Variants in SGCD observed in about 807,000 individuals in gnomAD.
SGCD encodes the protein sarcoglycan delta, also known as delta-sarcoglycan.
In SGCD, 18 loss-of-function variants were observed where a neutral mutation model predicts 36.6. That is an observed-to-expected ratio of 0.49 (90% confidence interval 0.34 to 0.73). The LOEUF (loss-of-function observed/expected upper bound fraction) is 0.73. Ranked by LOEUF, SGCD falls within the 30% of genes least tolerant of loss-of-function variation. The pLI, the probability that SGCD is intolerant of heterozygous loss-of-function variation, is 0.01. For missense variants in SGCD, 387 were observed against 346.7 expected, an observed-to-expected ratio of 1.12 and a Z score of -0.92; for synonymous variants, 133 against 130.6, an observed-to-expected ratio of 1.02 and a Z score of -0.12.
chr5:156,346,153 A>T (rs1042819758), intron 3 of SGCD, among the ~76,000 whole-genome samples: 1 of 152,052 alleles, frequency 6.6e-6, no homozygotes, highest in African/African-American at 2.4e-5. Flanking sequence ...AAGGTTACAG[A>T]TACTGCTTCA....
chr5:156,441,901 C>A (rs553664233), intron 3 of SGCD, among the ~76,000 whole-genome samples: 18 of 152,100 alleles, frequency 1.2e-4, no homozygotes, highest in Non-Finnish European at 2.4e-4. Flanking sequence ...GGCTGATTTG[C>A]GTGGAAGAAA....
At chr5:155,807,950 T>C in the SGCD span, among the ~76,000 whole-genome samples, 2,644 of 152,260 alleles carry the variant, frequency 0.017, 84 homozygotes, top group African/African-American at 0.059. Flanking sequence ...TTACTAGAGA[T>C]GAAATAGTAC....
chr5:155,990,751 CT>C (rs1349112149), intron 1 of SGCD, among the ~76,000 whole-genome samples: 1 of 152,090 alleles, frequency 6.6e-6, no homozygotes, highest in African/African-American at 2.4e-5. Context: ...TTATTTAATT[CT>C]TGCAGCAACC....
intron 1 of SGCD, among the ~76,000 whole-genome samples, chr5:155,872,940 T>C (rs1395581156): frequency 2.0e-5 from 3 of 152,224 alleles, no homozygotes; most frequent in African/African-American, 7.2e-5. Flanking sequence ...TGTAAAGGGC[T>C]AGGGCATCTT....
At chr5:156,416,700 C>G (rs1296875498) in intron 3 of SGCD, among the ~76,000 whole-genome samples, 1 of 152,100 alleles carries the variant, frequency 6.6e-6, no homozygotes, top group Non-Finnish European at 1.5e-5. Context: ...CTCTGGTCTC[C>G]TTTGTTCTAC....
chr5:156,604,603 C>A (rs557546097), intron 6 of SGCD, among the ~76,000 whole-genome samples: 2 of 151,644 alleles, frequency 1.3e-5, no homozygotes, highest in African/African-American at 4.8e-5. Flanking sequence ...ATGAGAAATA[C>A]TCTAGACTTT....
chr5:155,936,670 G>T (rs1309014542), intron 1 of SGCD, among the ~76,000 whole-genome samples: 1 of 152,228 alleles, frequency 6.6e-6, no homozygotes, highest in East Asian at 1.9e-4. Flanking sequence ...CTGGTCCACG[G>T]AACTGGCAGT....
chr5:155,995,986 CAAAA>C (rs753195795), intron 1 of SGCD, among the ~76,000 whole-genome samples: 3 of 46,272 alleles, frequency 6.5e-5, no homozygotes, highest in Non-Finnish European at 1.1e-4. Flanking sequence ...CAGACCACAC[CAAAA>C]AAAAAAAAAA....
At chr5:155,992,248 A>G (rs991649465) in intron 1 of SGCD, among the ~76,000 whole-genome samples, 1 of 152,168 alleles carries the variant, frequency 6.6e-6, no homozygotes, top group Admixed American at 6.5e-5. Flanking sequence ...TGTTCTGTGC[A>G]CACTCTAGAG....
intron 3 of SGCD, among the ~76,000 whole-genome samples, chr5:156,243,361 C>T (rs553943620): frequency 1.3e-5 from 2 of 152,204 alleles, no homozygotes; most frequent in South Asian, 4.1e-4. Context: ...AGGGTTATGA[C>T]AGTGATGGGA....
At chr5:156,498,312 A>G (rs1346583060) in intron 3 of SGCD, among the ~76,000 whole-genome samples, 1 of 151,210 alleles carries the variant, frequency 6.6e-6, no homozygotes, top group East Asian at 1.9e-4. Flanking sequence ...ATGCTGTAAG[A>G]TTGACTCATT....
intron 1 of SGCD, among the ~76,000 whole-genome samples, chr5:156,117,030 TAAC>T (rs1447797897): frequency 6.6e-6 from 1 of 151,952 alleles, no homozygotes; most frequent in African/African-American, 2.4e-5. Context: ...ACCATAGAGT[TAAC>T]AAGGAAATTG....
chr5:156,126,187 CAT>C (rs1762168729), intron 3 of SGCD, among the ~76,000 whole-genome samples: 1 of 152,066 alleles, frequency 6.6e-6, no homozygotes, highest in South Asian at 2.1e-4. Context: ...GGCCTTTCCA[CAT>C]GTTCTTGATC....
At chr5:155,730,908 G>A in the SGCD span, among the ~76,000 whole-genome samples, 20 of 152,300 alleles carry the variant, frequency 1.3e-4, no homozygotes, top group Non-Finnish European at 2.5e-4. Context: ...GGATATCTAA[G>A]TAGAGTGATT....
intron 1 of SGCD, among the ~76,000 whole-genome samples, chr5:156,039,054 C>T (rs1759571057): frequency 1.3e-5 from 2 of 152,026 alleles, no homozygotes; most frequent in Admixed American, 6.6e-5. Context: ...AGCTTTTTAT[C>T]AAGGTAGCAT....
chr5:156,498,935 C>CCT (rs149269957), intron 3 of SGCD, among the ~76,000 whole-genome samples: 6,218 of 149,414 alleles, frequency 0.042, 181 homozygotes, highest in East Asian at 0.16. Flanking sequence ...ATGTGTGCTA[C>CCT]GTGTGTGTGT....
At chr5:156,595,489 G>A (rs761881061) in intron 6 of SGCD, among the ~76,000 whole-genome samples, 8 of 152,188 alleles carry the variant, frequency 5.3e-5, no homozygotes, top group Non-Finnish European at 1.2e-4. Context: ...GTCTAGAAGA[G>A]TGATTTAGGC....
chr5:156,561,680 G>A (rs1759273193), intron 4 of SGCD, among the ~76,000 whole-genome samples: 1 of 152,124 alleles, frequency 6.6e-6, no homozygotes, highest in African/African-American at 2.4e-5. Flanking sequence ...GGGTTACTCA[G>A]GTCACTCCTT....
At chr5:156,250,237 T>A (rs1275201830) in intron 3 of SGCD, among the ~76,000 whole-genome samples, 1 of 152,232 alleles carries the variant, frequency 6.6e-6, no homozygotes, top group Non-Finnish European at 1.5e-5. Context: ...CTGTTACCAC[T>A]GATATTTCCC....
Sources: gnomAD v4.1 joint callset for allele counts (sites outside exome capture counted in the v4.1 genomes callset) on GRCh38, gnomAD v4.1.1 for gene constraint, MANE v1.5 for transcripts, NCBI Gene and HGNC (gene_info 2026-07-23, HGNC 2026-07-21) for gene names.